Variants in ACMSD observed in about 807,000 individuals in gnomAD.
ACMSD encodes aminocarboxymuconate semialdehyde decarboxylase.
A neutral mutation model predicts 45.9 loss-of-function variants in ACMSD; 37 were observed. That is an observed-to-expected ratio of 0.81 (90% CI 0.62 to 1.06). The LOEUF (loss-of-function observed/expected upper bound fraction) is 1.06, where lower values mean the gene tolerates loss of function less well. ACMSD is among the 50% of genes least tolerant of loss of function. The probability of loss-of-function intolerance (pLI) is 0.00; values close to 1 mark genes in which losing one functional copy is unlikely to be tolerated. For missense variants in ACMSD, 434 were observed against 420.9 expected (o/e 1.03, Z -0.27); for synonymous variants, 138 against 148.8 (o/e 0.93, Z 0.53).
At chr2:134,886,129 G>T (rs1689426679) in intron 8 of ACMSD, among the ~76,000 whole-genome samples, 1 of 151,856 alleles carries the variant, frequency 6.6e-6, no homozygotes, top group South Asian at 2.1e-4. Context: ...GAATAGGATG[G>T]CCTTAACTTT....
chr2:134,853,927 G>A (rs577870916), intron 2 of ACMSD, among the ~76,000 whole-genome samples: 17 of 152,284 alleles, frequency 1.1e-4, no homozygotes, highest in Admixed American at 4.6e-4. Context: ...GGAAATTATA[G>A]TAATTAACTT....
chr2:134,871,108 C>T (rs1366796422), intron 7 of ACMSD, 48 bp downstream of exon 7: 1 of 1,484,058 alleles, frequency 6.7e-7, no homozygotes, highest in Admixed American at 1.7e-5. Flanking sequence ...CAACAAAATC[C>T]CACAGATGGG....
At position 134,840,181 on chromosome 2, in the gene ACMSD, AAAAAAAAAAAAAC is replaced by A. The variant is rs1001959013; in HGVS notation, c.57+1443_57+1455del. Among the ~76,000 whole-genome samples the A allele has an allele frequency of 3.2e-4, 46 of 142,882 alleles. 2 individuals carry two copies. Among genetic ancestry groups the A allele is most frequent in the Non-Finnish European group, 5.3e-4 (35 of 66,490 alleles). The allele number at this position is 142,882 out of a possible 152,430, so 93.7% of individuals were successfully genotyped here. On this transcript the variant is annotated intron_variant, in intron 1 of 9. Coordinates refer to ENST00000356140, the MANE Select transcript of ACMSD (RefSeq NM_138326.3). ...ACTATACCTAGCAAAAAAAAAAAAA[AAAAAAAAAAAAAC>A]CACTAATTCCTCTGTTACAGCTTTT...
Position 134,892,863 on chromosome 2 carries a change from C to T in ACMSD, c.850-5478C>T, listed in dbSNP as rs551463577. ...ACTTAGATGACAACTTCAATATTAG[C>T]ATAACATGCTGAGTTTTAATTGCCT... is the stretch of plus-strand genomic sequence containing the variant. On this transcript the variant is annotated intron_variant, in intron 8 of 9. Coordinates refer to ENST00000356140, the MANE Select transcript of ACMSD (RefSeq NM_138326.3). Among the ~76,000 whole-genome samples, 195 of 152,264 alleles carry T rather than the reference C, an allele frequency of 1.3e-3. 2 individuals are homozygous for T. The highest frequency in any genetic ancestry group is 1.3e-3 in the Non-Finnish European group (88 of 68,016).
chr2:134,875,806 C>T (rs867614088), intron 8 of ACMSD, among the ~76,000 whole-genome samples: 1 of 152,180 alleles, frequency 6.6e-6, no homozygotes, highest in Non-Finnish European at 1.5e-5. Context: ...TGCATAATTA[C>T]AGTCATGCAT....
chr2:134,859,240 A>T (rs897981429), intron 2 of ACMSD, 21 bp from the exon 3 acceptor site: 4 of 1,609,268 alleles, frequency 2.5e-6, no homozygotes, highest in Non-Finnish European at 3.4e-6. Flanking sequence ...GCATTTTAGT[A>T]ATGTGGGTTT....
chr2:134,840,947 C>T (rs1458616801), intron 1 of ACMSD, among the ~76,000 whole-genome samples: 1 of 152,092 alleles, frequency 6.6e-6, no homozygotes, highest in Non-Finnish European at 1.5e-5. Flanking sequence ...CAAAGTCCAT[C>T]GTGTCATTCT....
chr2:134,896,483 G>A (rs1334280758), intron 8 of ACMSD, among the ~76,000 whole-genome samples: 1 of 152,116 alleles, frequency 6.6e-6, no homozygotes, highest in Non-Finnish European at 1.5e-5. Context: ...GGACATGAAT[G>A]TACACAAGGG....
At chr2:134,898,733 A>G (rs1226138781) in intron 9 of ACMSD, among the ~76,000 whole-genome samples, 2 of 152,168 alleles carry the variant, frequency 1.3e-5, no homozygotes, top group African/African-American at 2.4e-5. Context: ...AAAAATGTCT[A>G]AATTTTTTCT....
chr2:134,890,859 A>C (rs1689743651), intron 8 of ACMSD, among the ~76,000 whole-genome samples: 1 of 152,068 alleles, frequency 6.6e-6, no homozygotes, highest in Non-Finnish European at 1.5e-5. Flanking sequence ...AAATAAAAAA[A>C]AATTCCACCA....
intron 6 of ACMSD, 181 bp downstream of exon 6, chr2:134,867,853 T>C (rs1229783700): frequency 5.2e-6 from 2 of 385,744 alleles, no homozygotes; most frequent in Non-Finnish European, 9.3e-6. Context: ...ATAACCTCAT[T>C]TAATTTTAAA....
chr2:134,890,883 G>A (rs1689745168), intron 8 of ACMSD, among the ~76,000 whole-genome samples: 1 of 152,022 alleles, frequency 6.6e-6, no homozygotes, highest in African/African-American at 2.4e-5. Context: ...TCATTAATCA[G>A]TTAGTGAATA....
At chr2:134,843,825 A>G (rs780215583) in intron 1 of ACMSD, among the ~76,000 whole-genome samples, 10 of 152,228 alleles carry the variant, frequency 6.6e-5, no homozygotes, top group African/African-American at 2.4e-4. Flanking sequence ...GATCCTCTGC[A>G]ATCTGACCCC....
At chr2:134,896,460 A>G (rs960459124) in intron 8 of ACMSD, among the ~76,000 whole-genome samples, 9 of 152,236 alleles carry the variant, frequency 5.9e-5, no homozygotes, top group Non-Finnish European at 1.0e-4. Flanking sequence ...CAATGATAAA[A>G]AGATAACAAA....
intron 8 of ACMSD, among the ~76,000 whole-genome samples, chr2:134,889,393 G>A (rs1689646227): frequency 6.6e-6 from 1 of 152,108 alleles, no homozygotes; most frequent in South Asian, 2.1e-4. Flanking sequence ...AGAAAAGGCT[G>A]TTTCCAAGAC....
intron 9 of ACMSD, among the ~76,000 whole-genome samples, chr2:134,899,309 T>C (rs1249275588): frequency 1.3e-5 from 2 of 152,164 alleles, no homozygotes; most frequent in Non-Finnish European, 2.9e-5. Flanking sequence ...AAATTCATTC[T>C]TCAGTATACT....
chr2:134,855,598 G>A (rs947459733), intron 2 of ACMSD, among the ~76,000 whole-genome samples: 62 of 152,314 alleles, frequency 4.1e-4, no homozygotes, highest in African/African-American at 1.4e-3. Flanking sequence ...GGTCAACGGA[G>A]GATCAGAGCT....
intron 8 of ACMSD, among the ~76,000 whole-genome samples, chr2:134,890,075 G>A (rs564249007): frequency 7.9e-5 from 12 of 151,964 alleles, no homozygotes; most frequent in Non-Finnish European, 1.6e-4. Flanking sequence ...AGTTGGAAAA[G>A]GACAAGATAT....
intron 3 of ACMSD, among the ~76,000 whole-genome samples, chr2:134,861,185 T>C (rs1013874557): frequency 2.6e-5 from 4 of 152,166 alleles, no homozygotes; most frequent in African/African-American, 9.7e-5. Flanking sequence ...AGAAAGAACA[T>C]GCTTCCCTGA....
Sources: allele counts gnomAD v4.1 joint callset (sites outside exome capture counted in the v4.1 genomes callset), GRCh38; gene constraint gnomAD v4.1.1; transcripts MANE v1.5; gene names NCBI Gene and HGNC (gene_info 2026-07-23, HGNC 2026-07-21).